ATP8A2: variants seen among roughly 807,000 people sequenced by gnomAD.
ATP8A2 encodes the protein ATPase phospholipid transporting 8A2, also known as phospholipid-transporting ATPase IB.
In ATP8A2, 100 loss-of-function variants were observed where a neutral mutation model predicts 165.6. The ratio of observed to expected loss-of-function variants is 0.60; its 90% CI spans 0.51 to 0.71. ATP8A2 has a LOEUF of 0.71. Ranked by LOEUF, ATP8A2 falls within the 30% of genes least tolerant of loss-of-function variation. The probability of loss-of-function intolerance (pLI) is 0.00; values close to 1 mark genes in which losing one functional copy is unlikely to be tolerated. For synonymous variants in ATP8A2, 543 were observed against 548.8 expected (o/e 0.99, Z 0.15); for missense variants, 1,227 against 1,479.5 (o/e 0.83, Z 2.80).
intron 2 of ATP8A2, among the ~76,000 whole-genome samples, chr13:25,503,055 T>C (rs1192142606): frequency 6.6e-6 from 1 of 151,936 alleles, no homozygotes; most frequent in Non-Finnish European, 1.5e-5. Context: ...GGGCAGAATG[T>C]CCAGGACTAG....
intron 34 of ATP8A2, 129 bp downstream of exon 34, chr13:25,961,792 C>T (rs1955666362): frequency 2.8e-6 from 2 of 705,812 alleles, no homozygotes; most frequent in Non-Finnish European, 2.4e-6. Flanking sequence ...CTGCCACCTG[C>T]CAGAAATGAA....
intron 33 of ATP8A2, among the ~76,000 whole-genome samples, chr13:25,863,908 G>A (rs1319435920): frequency 6.6e-6 from 1 of 152,196 alleles, no homozygotes; most frequent in Non-Finnish European, 1.5e-5. Context: ...AGACAGTAGA[G>A]GAAATTAGAG....
chr13:25,608,080 G>C (rs555036903), intron 24 of ATP8A2, among the ~76,000 whole-genome samples: 7 of 152,196 alleles, frequency 4.6e-5, no homozygotes, highest in Non-Finnish European at 8.8e-5. Flanking sequence ...GGGAATACCT[G>C]TGCTTGGGTA....
At chr13:25,596,467 C>T (rs911737710) in intron 24 of ATP8A2, among the ~76,000 whole-genome samples, 7 of 152,164 alleles carry the variant, frequency 4.6e-5, no homozygotes, top group Middle Eastern at 3.2e-3. Flanking sequence ...GGCAAGCACG[C>T]GGACCTTCTT....
intron 35 of ATP8A2, among the ~76,000 whole-genome samples, chr13:25,995,934 C>T (rs1956491852): frequency 6.6e-6 from 1 of 152,106 alleles, no homozygotes; most frequent in African/African-American, 2.4e-5. Context: ...TCAGTTTTAG[C>T]TTCACATATT....
chr13:25,388,830 G>T (rs781496846), intron 1 of ATP8A2, among the ~76,000 whole-genome samples: 4 of 152,166 alleles, frequency 2.6e-5, no homozygotes, highest in Admixed American at 6.5e-5. Context: ...TGGGCAGGAG[G>T]GGAAGTTGGG....
chr13:25,994,997 T>G (rs1396167764), intron 35 of ATP8A2, among the ~76,000 whole-genome samples: 1 of 152,078 alleles, frequency 6.6e-6, no homozygotes, highest in Non-Finnish European at 1.5e-5. Context: ...GCCATATAAA[T>G]TCAATTTCCT....
intron 27 of ATP8A2, among the ~76,000 whole-genome samples, chr13:25,812,099 A>G (rs1177390431): frequency 6.6e-6 from 1 of 152,054 alleles, no homozygotes; most frequent in East Asian, 1.9e-4. Context: ...TAAATTACGT[A>G]AATAATGTTC....
intron 1 of ATP8A2, among the ~76,000 whole-genome samples, chr13:25,399,398 T>TTC (rs1491170024): frequency 4.5e-4 from 2 of 4,404 alleles, no homozygotes; most frequent in Non-Finnish European, 2.4e-3. Context: ...GTGGTTCTTC[T>TTC]TTTTTTTTTT....
At chr13:25,912,612 CA>C (rs1954149241) in intron 33 of ATP8A2, among the ~76,000 whole-genome samples, 1 of 152,148 alleles carries the variant, frequency 6.6e-6, no homozygotes, top group African/African-American at 2.4e-5. Flanking sequence ...AATTATTCCA[CA>C]TTGTATTCGT....
intron 1 of ATP8A2, among the ~76,000 whole-genome samples, chr13:25,427,519 T>C (rs532271543): frequency 2.0e-5 from 3 of 152,244 alleles, no homozygotes; most frequent in African/African-American, 7.2e-5. Flanking sequence ...TACATGAAAG[T>C]GGTCCCTGGT....
intron 32 of ATP8A2, 89 bp downstream of exon 32, chr13:25,860,949 A>G: frequency 2.3e-6 from 2 of 852,956 alleles, no homozygotes; most frequent in East Asian, 2.7e-5. Flanking sequence ...ACCATAAGCA[A>G]TATCTGGCTA....
chr13:25,609,540 C>CAAATATATATATATATATTTTGATTA (rs2040608912), intron 24 of ATP8A2, among the ~76,000 whole-genome samples: 1 of 144,702 alleles, frequency 6.9e-6, no homozygotes, highest in Non-Finnish European at 1.5e-5. Flanking sequence ...ATTTGGGATT[C>CAAATATATATATATATATTTTGATTA]AAATATATAT....
intron 7 of ATP8A2, among the ~76,000 whole-genome samples, chr13:25,539,911 C>A (rs1412416949): frequency 1.3e-5 from 2 of 152,192 alleles, no homozygotes; most frequent in Non-Finnish European, 2.9e-5. Context: ...TTGTTTTCTT[C>A]AAAAAATGTG....
At chr13:25,481,350 C>T (rs1176863422) in intron 2 of ATP8A2, among the ~76,000 whole-genome samples, 2 of 152,218 alleles carry the variant, frequency 1.3e-5, no homozygotes, top group Non-Finnish European at 2.9e-5. Context: ...CAACTTCAGG[C>T]CAGTGGTCTC....
intron 1 of ATP8A2, among the ~76,000 whole-genome samples, chr13:25,382,347 T>C (rs903151038): frequency 6.6e-6 from 1 of 152,248 alleles, no homozygotes; most frequent in Non-Finnish European, 1.5e-5. Context: ...AAGAACATCT[T>C]GGGTGCTTTC....
At chr13:25,739,234 G>A (rs80114477) in intron 25 of ATP8A2, among the ~76,000 whole-genome samples, 2,377 of 152,302 alleles carry the variant, frequency 0.016, 66 homozygotes, top group African/African-American at 0.053. Context: ...GCACCTTGGC[G>A]ATGCCTTTAG....
At chr13:25,885,080 A>AGAGTCAGTC (rs1953102583) in intron 33 of ATP8A2, among the ~76,000 whole-genome samples, 1 of 139,476 alleles carries the variant, frequency 7.2e-6, no homozygotes, top group African/African-American at 2.6e-5. Flanking sequence ...CTCCAGCCTG[A>AGAGTCAGTC]GAGTCAGTCT....
rs749896642 is a variant in ATP8A2 at position 25,469,090 on chromosome 13, C to A, written c.190C>A (p.His64Asn). The change falls in exon 2 of 37, where the codon CAT (histidine) becomes AAT (asparagine). Residue 64 changes from histidine to asparagine, a missense_variant. By Grantham distance (68) the His-to-Asn change is moderately conservative (BLOSUM62 1). This residue lies in a region of ATP8A2 where 356 missense variants were observed against 394.9 expected (regional missense o/e 0.90). Coordinates refer to ENST00000381655, the MANE Select transcript of ATP8A2 (RefSeq NM_016529.6). ...CCGCACCATTTACCTCAACCAACCG[C>A]ATCTCAACAAATTCCGCGACAACCA... ...PARTIYLNQP[H>N]LNKFRDNQIS... 1 of 1,614,032 alleles carries A rather than the reference C, an allele frequency of 6.2e-7. No homozygotes were observed. The highest frequency in any genetic ancestry group is 1.7e-5 in the Admixed American group (1 of 60,028).
Sources: gnomAD v4.1 joint callset for allele counts (sites outside exome capture counted in the v4.1 genomes callset) on GRCh38, gnomAD v4.1.1 for gene constraint, gnomAD v4.1.1 regional missense constraint, MANE v1.5 for transcripts, NCBI Gene and HGNC (gene_info 2026-07-23, HGNC 2026-07-21) for gene names.